SCUBE1: variants seen among roughly 807,000 people sequenced by gnomAD.
SCUBE1 encodes the protein signal peptide, CUB and EGF-like domain-containing protein 1.
SCUBE1 carries 59 observed loss-of-function variants against 124.4 expected under a neutral mutation model. The observed-to-expected ratio is 0.47, with a 90% confidence interval of 0.38 to 0.59. The LOEUF (loss-of-function observed/expected upper bound fraction) is 0.59, where lower values mean the gene tolerates loss of function less well. Among genes scored for constraint, SCUBE1 ranks in the 20% least tolerant of loss-of-function variants. The pLI is 0.00. For missense variants in SCUBE1, 1,150 were observed against 1,371.2 expected (o/e 0.84, Z 2.55); for synonymous variants, 545 against 550.9 (o/e 0.99, Z 0.15).
chr22:43,329,202 C>T (rs1926823059), intron 2 of SCUBE1, among the ~76,000 whole-genome samples: 1 of 152,246 alleles, frequency 6.6e-6, no homozygotes, highest in South Asian at 2.1e-4. Flanking sequence ...GATACAGATG[C>T]CCACAAACTC....
chr22:43,276,823 G>A (rs1042028402), intron 4 of SCUBE1, among the ~76,000 whole-genome samples: 7 of 152,188 alleles, frequency 4.6e-5, no homozygotes, highest in African/African-American at 1.7e-4. Flanking sequence ...GGTGTTTCCA[G>A]GGCCTCTGCT....
At chr22:43,330,733 C>T (rs2146795793) in intron 2 of SCUBE1, among the ~76,000 whole-genome samples, 1 of 152,342 alleles carries the variant, frequency 6.6e-6, no homozygotes, top group South Asian at 2.1e-4. Flanking sequence ...GTCATTGGCT[C>T]CAAGAACTCT....
intron 4 of SCUBE1, among the ~76,000 whole-genome samples, chr22:43,267,136 G>A (rs993090322): frequency 6.6e-6 from 1 of 152,138 alleles, no homozygotes; most frequent in South Asian, 2.1e-4. Flanking sequence ...GTAGGAAATC[G>A]GAATAGTTGC....
chr22:43,306,630 G>A (rs867898745), intron 3 of SCUBE1, among the ~76,000 whole-genome samples: 48 of 152,276 alleles, frequency 3.2e-4, no homozygotes, highest in Middle Eastern at 3.4e-3. Context: ...AGAGTGGGAA[G>A]GGACGAGCAG....
chr22:43,268,016 A>AC, intron 4 of SCUBE1, among the ~76,000 whole-genome samples: 1 of 151,758 alleles, frequency 6.6e-6, no homozygotes, highest in South Asian at 2.1e-4. Flanking sequence ...CTGTGACTCT[A>AC]CCCCCTCTGC....
chr22:43,279,559 C>T lies in SCUBE1; in HGVS notation c.484+11487G>A, dbSNP rs576066317. Among the ~76,000 whole-genome samples the T allele has an allele frequency of 2.1e-4, 32 of 152,218 alleles. 1 individual carries two copies. The highest frequency in any genetic ancestry group is 4.0e-4 in the Non-Finnish European group (27 of 68,040). On this transcript the variant is annotated intron_variant, in intron 4 of 21. Transcript: ENST00000360835. Reference sequence around the variant, plus strand: ...TCTTGATCTTGGACTTCCAAGCCTCCAGAACTGTGAAAAGTAAATTTCTAT... The same window carrying T: ...TCTTGATCTTGGACTTCCAAGCCTCTAGAACTGTGAAAAGTAAATTTCTAT...
intron 1 of SCUBE1, among the ~76,000 whole-genome samples, chr22:43,342,821 C>A (rs529170505): frequency 2.0e-5 from 3 of 151,816 alleles, no homozygotes; most frequent in Non-Finnish European, 2.9e-5. Context: ...CCCGCGCCCC[C>A]TCTCCCAGGA....
At chr22:43,248,972 G>A (rs184429864) in intron 6 of SCUBE1, among the ~76,000 whole-genome samples, 1 of 152,218 alleles carries the variant, frequency 6.6e-6, no homozygotes, top group Admixed American at 6.5e-5. Context: ...TGCCCTGAGG[G>A]GGGGCACCAA....
rs759266066 is a variant in SCUBE1, at chr22:43,203,946, G to C, written c.*51C>G. The C allele has an allele frequency of 1.3e-6, 2 of 1,591,142 alleles. No homozygotes were observed. Among genetic ancestry groups the C allele is most frequent in the Non-Finnish European group, 1.7e-6 (2 of 1,161,812 alleles). On this transcript the variant is annotated 3_prime_UTR_variant, in exon 22 of 22. Coordinates refer to ENST00000360835, the MANE Select transcript of SCUBE1 (RefSeq NM_173050.5). ...CATGCAGCTCCCACTGTGGAGGGCA[G>C]GTGCACCCTCCGCGGACCAGGCCAC...
At chr22:43,280,397 G>A (rs1398863717) in intron 4 of SCUBE1, among the ~76,000 whole-genome samples, 9 of 72,882 alleles carry the variant, frequency 1.2e-4, no homozygotes, top group Admixed American at 1.5e-4. Context: ...CCCATCCCCC[G>A]TCCCTTCCCC....
At position 43,211,271 on chromosome 22, in the gene SCUBE1, T is replaced by TG. The variant is rs917396364; in HGVS notation, c.2222-189dup. On this transcript the variant is annotated intron_variant, in intron 17 of 21. Transcript: ENST00000360835. The surrounding 1 kb of genome is among the most constrained non-coding windows in gnomAD (Gnocchi z 4.5). ...CCATGGCCAGGAAGAGCCCTTGGCG[T>TG]GGGGGTCACATGGCAGATTGATGTG... Among the ~76,000 whole-genome samples the TG allele has an allele frequency of 6.6e-6, 1 of 151,616 alleles. No homozygotes were observed.
At chr22:43,209,460 G>A (rs1367251038) in intron 19 of SCUBE1, among the ~76,000 whole-genome samples, 4 of 152,178 alleles carry the variant, frequency 2.6e-5, no homozygotes, top group Admixed American at 1.3e-4. Context: ...GGCACACAGC[G>A]GTCACACCCA....
intron 21 of SCUBE1, among the ~76,000 whole-genome samples, chr22:43,206,243 C>T (rs956261717): frequency 6.7e-6 from 1 of 150,082 alleles, no homozygotes; most frequent in Non-Finnish European, 1.5e-5. Context: ...ACACCCAGCA[C>T]ACACACCCCT....
At position 43,214,267 on chromosome 22, in the gene SCUBE1, G is replaced by A. The variant is rs370305892; in HGVS notation, c.1892-16C>T. 8.0e-5 allele frequency: 129 copies of A among 1,607,172 alleles called. 1 individual carries two copies. Among genetic ancestry groups the A allele is most frequent in the African/African-American group, 7.6e-4 (57 of 74,980 alleles). ...CCACAGGCAACTGCAGAGGCAAAGC[G>A]GAGAGGCTGCTGGAGGCAGAGGTGG... On this transcript the variant is annotated splice_polypyrimidine_tract_variant and intron_variant, in intron 15 of 21. Transcript: ENST00000360835.
At chr22:43,209,032 C>T (rs1285776878) in intron 19 of SCUBE1, among the ~76,000 whole-genome samples, 2 of 152,134 alleles carry the variant, frequency 1.3e-5, no homozygotes, top group African/African-American at 4.8e-5. Flanking sequence ...GTGAGGGGAA[C>T]GGGTGGGGAA....
In SCUBE1 at chr22:43,212,610, T is replaced by C; in HGVS notation, c.2054-18A>G. 5 of 1,556,170 alleles carry C rather than the reference T, an allele frequency of 3.2e-6. No individual in the cohort carries two copies. Among genetic ancestry groups the C allele is most frequent in the African/African-American group, 1.4e-5 (1 of 73,284 alleles). On this transcript the variant is annotated intron_variant, in intron 16 of 21. Coordinates refer to ENST00000360835, the MANE Select transcript of SCUBE1 (RefSeq NM_173050.5). ...ACACTGGCCTGAAAGTCAGAGGTCA[T>C]GGCTCAGGCGGGCAGGAGGGCACCG...
intron 8 of SCUBE1, among the ~76,000 whole-genome samples, chr22:43,230,691 C>G (rs1192309432): frequency 6.6e-6 from 1 of 152,210 alleles, no homozygotes; most frequent in Non-Finnish European, 1.5e-5. Context: ...AAGACAGGGC[C>G]AGGATGCCCG....
Position 43,211,515 on chromosome 22 carries a change from C to T in SCUBE1, c.2222-432G>A, listed in dbSNP as rs1921553114. On this transcript the variant is annotated intron_variant, in intron 17 of 21. Coordinates refer to ENST00000360835, the MANE Select transcript of SCUBE1 (RefSeq NM_173050.5). This position sits in a 1 kb window ranked among gnomAD's most constrained non-coding sequence, Gnocchi z 4.5. ...GCCGGGGCGGGGGGCTAGAGATGGG[C>T]AATTCTTTTTTTTTTTTTTTGAGAT... 6.7e-6 allele frequency among the ~76,000 whole-genome samples: 1 copy of T among 148,774 alleles called. No homozygotes were observed. Among genetic ancestry groups the T allele is most frequent in the East Asian group, 2.0e-4 (1 of 5,118 alleles).
chr22:43,245,908 C>T (rs752628289), intron 6 of SCUBE1, among the ~76,000 whole-genome samples: 8 of 152,192 alleles, frequency 5.3e-5, no homozygotes, highest in Non-Finnish European at 1.0e-4. Context: ...AAGCCACCTT[C>T]TCTCGTGACT....
Sources: allele counts gnomAD v4.1 joint callset (sites outside exome capture counted in the v4.1 genomes callset), GRCh38; gene constraint gnomAD v4.1.1; non-coding constraint Gnocchi (gnomAD v3.1); transcripts MANE v1.5; gene names NCBI Gene and HGNC (gene_info 2026-07-23, HGNC 2026-07-21).